APBA2: variants seen among roughly 807,000 people sequenced by gnomAD.
APBA2 encodes amyloid beta precursor protein binding family A member 2, also known as amyloid-beta A4 precursor protein-binding family A member 2.
A neutral mutation model predicts 75.0 loss-of-function variants in APBA2; 30 were observed. The ratio of observed to expected loss-of-function variants is 0.40; its 90% CI spans 0.30 to 0.54. APBA2 has a LOEUF of 0.54. Among genes scored for constraint, APBA2 ranks in the 20% least tolerant of loss-of-function variants. The pLI is 0.49. For synonymous variants in APBA2, 444 were observed against 409.6 expected, an observed-to-expected ratio of 1.08 and a Z score of -1.01; for missense variants, 801 against 1,016.1, an observed-to-expected ratio of 0.79 and a Z score of 2.88.
At chr15:29,112,289 AC>A (rs1196844446) in intron 13 of APBA2, among the ~76,000 whole-genome samples, 2 of 152,160 alleles carry the variant, frequency 1.3e-5, no homozygotes, top group African/African-American at 2.4e-5. Context: ...TCCTGTCCCG[AC>A]CTGCAGCGGT....
Position 28,896,662 on chromosome 15 carries a change from G to A in APBA2, c.-205+10384G>A, listed in dbSNP as rs552607785. ...CACAGCAGGGATCACTGCCTGGCTC[G>A]CCTGTCATGGTGTGGGGGCAGTGCC... On this transcript the variant is annotated intron_variant, in intron 1 of 14. Transcript: ENST00000683413. Among the ~76,000 whole-genome samples the A allele has an allele frequency of 4.6e-5, 7 of 152,254 alleles. No individual in the cohort carries two copies. The South Asian group carries it at 6.2e-4, about 14-fold the overall frequency.
chr15:29,070,918 C>T (rs1180117811), intron 4 of APBA2: 12 of 337,632 alleles, frequency 3.6e-5, no homozygotes, highest in South Asian at 9.2e-5. Context: ...GTCATTCGTC[C>T]GCCCAGGACT....
chr15:28,901,886 C>T (rs2032876058), intron 1 of APBA2, among the ~76,000 whole-genome samples: 1 of 99,472 alleles, frequency 1.0e-5, no homozygotes, highest in South Asian at 3.2e-4. Context: ...GAAGCCTGGA[C>T]CCTGCCCTCG....
chr15:28,964,912 AT>A (rs945350259), intron 2 of APBA2, among the ~76,000 whole-genome samples: 5 of 151,372 alleles, frequency 3.3e-5, no homozygotes, highest in Admixed American at 6.6e-5. Flanking sequence ...CCAGAGTATA[AT>A]TTTTTTTTCT....
intron 2 of APBA2, among the ~76,000 whole-genome samples, chr15:28,980,144 T>C (rs1205581122): frequency 6.6e-6 from 1 of 152,138 alleles, no homozygotes; most frequent in East Asian, 1.9e-4. Flanking sequence ...CTGCTTGTTT[T>C]GGGGGAACCA....
chr15:28,923,763 C>A (rs184708019), intron 2 of APBA2, among the ~76,000 whole-genome samples: 1 of 152,170 alleles, frequency 6.6e-6, no homozygotes, highest in African/African-American at 2.4e-5. Flanking sequence ...TTGAGTAGCC[C>A]CCTGCTTTCT....
At chr15:29,048,207 G>A (rs1054338303) in intron 3 of APBA2, among the ~76,000 whole-genome samples, 1 of 152,160 alleles carries the variant, frequency 6.6e-6, no homozygotes, top group African/African-American at 2.4e-5. Flanking sequence ...ATTAGCCGGA[G>A]GGTGATGACA....
intron 6 of APBA2, 139 bp downstream of exon 6, chr15:29,076,230 C>CT: frequency 1.1e-6 from 1 of 934,410 alleles, no homozygotes; most frequent in Non-Finnish European, 1.8e-6. Context: ...TGGCCATTGT[C>CT]TGTTTGAACA....
chr15:28,943,325 G>A (rs1457744129), intron 2 of APBA2, among the ~76,000 whole-genome samples: 1 of 152,190 alleles, frequency 6.6e-6, no homozygotes, highest in Non-Finnish European at 1.5e-5. Context: ...CCATGGATCA[G>A]AGCTGCCATG....
At chr15:29,083,496 C>G (rs961344214) in intron 6 of APBA2, among the ~76,000 whole-genome samples, 4 of 152,080 alleles carry the variant, frequency 2.6e-5, no homozygotes, top group African/African-American at 9.7e-5. Context: ...AACTTTAAAA[C>G]TAGCTTGTCT....
intron 1 of APBA2, among the ~76,000 whole-genome samples, chr15:28,894,903 A>G (rs36129468): frequency 0.54 from 80,850 of 148,804 alleles, 22,818 homozygotes; most frequent in African/African-American, 0.68. Flanking sequence ...CAGTAAGAAC[A>G]CAGGAGGGTG....
At chr15:29,085,638 A>G (rs2043259972) in intron 6 of APBA2, among the ~76,000 whole-genome samples, 2 of 152,074 alleles carry the variant, frequency 1.3e-5, no homozygotes, top group African/African-American at 2.4e-5. Flanking sequence ...GTGTGTTACC[A>G]TGATTATTGG....
At chr15:28,912,688 C>T (rs2033486777) in intron 1 of APBA2, among the ~76,000 whole-genome samples, 1 of 152,232 alleles carries the variant, frequency 6.6e-6, no homozygotes, top group African/African-American at 2.4e-5. Context: ...GAGCTGGCCT[C>T]ATTTCTGGCA....
Position 29,093,088 on chromosome 15 carries a change from C to G in APBA2, c.1083C>G (p.Cys361Trp), listed in dbSNP as rs1216087103. ...GCCCTCCTTCAGTTCCAGGGCCCTG[C>G]GAACCAGAAGACCTCATCGACGGGA... is the stretch of plus-strand genomic sequence containing the variant. Reference protein sequence around the residue: ...FPSFVAVPGPCEPEDLIDGII... With the variant: ...FPSFVAVPGPWEPEDLIDGII... The change falls in exon 7 of 15, where the codon TGC becomes TGG. Residue 361 changes from cysteine to tryptophan, a missense_variant. Physicochemically the swap from Cys to Trp is radical, Grantham distance 215. Transcript: ENST00000683413. 6.2e-7 allele frequency: 1 copy of G among 1,614,052 alleles called. No homozygotes were observed. The highest frequency in any genetic ancestry group is 8.5e-7 in the Non-Finnish European group (1 of 1,180,034).
intron 4 of APBA2, among the ~76,000 whole-genome samples, chr15:29,056,763 G>A (rs551018012): frequency 6.6e-6 from 1 of 151,572 alleles, no homozygotes; most frequent in South Asian, 2.1e-4. Flanking sequence ...GGTGCCAGGG[G>A]CCCTGACTAC....
chr15:29,030,398 C>T (rs184051258), intron 3 of APBA2, among the ~76,000 whole-genome samples: 1 of 151,922 alleles, frequency 6.6e-6, no homozygotes, highest in Admixed American at 6.6e-5. Context: ...GGAGGCGGAG[C>T]TTGCAGTGAG....
At chr15:29,112,749 T>C (rs369888139) in intron 13 of APBA2, among the ~76,000 whole-genome samples, 4 of 152,204 alleles carry the variant, frequency 2.6e-5, no homozygotes, top group South Asian at 2.1e-4. Context: ...AAGTGCAGAG[T>C]TCTGTGGCAG....
rs57446098 is a variant in APBA2 at position 29,045,103 on chromosome 15, C to CTCTT, written c.-40-8742_-40-8741insTCTT. Among the ~76,000 whole-genome samples the CTCTT allele has an allele frequency of 5.4e-4, 76 of 140,406 alleles. 2 individuals carry two copies. Among genetic ancestry groups the CTCTT allele is most frequent in the East Asian group, 1.3e-3 (6 of 4,562 alleles). 92.1% of individuals were successfully genotyped at this position (140,406 alleles called of 152,430 possible). Reference sequence around the variant, plus strand: ...TCTCTCTCTCTCTCTCTCTCTCTCTCGTCTCGCACTGTCACCTGGGCTGGA... The same window carrying CTCTT: ...TCTCTCTCTCTCTCTCTCTCTCTCTCTCTTGTCTCGCACTGTCACCTGGGCTGGA... On this transcript the variant is annotated intron_variant, in intron 3 of 14. Transcript: ENST00000683413.
chr15:29,067,488 G>A (rs1464964428), intron 4 of APBA2, among the ~76,000 whole-genome samples: 1 of 152,106 alleles, frequency 6.6e-6, no homozygotes, highest in Non-Finnish European at 1.5e-5. Context: ...TCCTGAGTGG[G>A]AGTAGGGGAG....
Sources: allele counts gnomAD v4.1 joint callset (sites outside exome capture counted in the v4.1 genomes callset), GRCh38; gene constraint gnomAD v4.1.1; transcripts MANE v1.5; gene names NCBI Gene and HGNC (gene_info 2026-07-23, HGNC 2026-07-21).